Variants in CTDSPL2 observed in about 807,000 individuals in gnomAD.
CTDSPL2 encodes CTD small phosphatase-like protein 2.
CTDSPL2 carries 5 observed loss-of-function variants against 60.0 expected under a neutral mutation model. The ratio of observed to expected loss-of-function variants is 0.08; its 90% CI spans 0.04 to 0.18. The LOEUF (loss-of-function observed/expected upper bound fraction) is 0.18, where lower values mean the gene tolerates loss of function less well. CTDSPL2 is among the 10% of genes least tolerant of loss of function. The pLI is 1.00. For missense variants in CTDSPL2, 370 were observed against 548.8 expected, an observed-to-expected ratio of 0.67 and a Z score of 3.26; for synonymous variants, 186 against 189.3, an observed-to-expected ratio of 0.98 and a Z score of 0.14.
chr15:44,512,933 A>G (rs978269164), intron 8 of CTDSPL2, among the ~76,000 whole-genome samples: 4 of 151,990 alleles, frequency 2.6e-5, no homozygotes, highest in Admixed American at 2.6e-4. Flanking sequence ...TTAGCCAGCC[A>G]TGGTGGCCCA....
At position 44,524,273 on chromosome 15, in the gene CTDSPL2, G is replaced by A. The variant is rs957036935; in HGVS notation, c.*99G>A. On this transcript the variant is annotated 3_prime_UTR_variant, in exon 13 of 13. Coordinates refer to ENST00000260327, the MANE Select transcript of CTDSPL2 (RefSeq NM_016396.3). ...ATTACTGTTGAAATTTTGCATTTTT[G>A]TACCCCGTCTTGCTTTTCTTATCTT... 1.1e-6 allele frequency: 1 copy of A among 901,286 alleles called. No homozygotes were observed. Among genetic ancestry groups the A allele is most frequent in the Admixed American group, 1.9e-5 (1 of 53,770 alleles). The allele number at this position is 901,286 out of a possible 1,614,324, so 55.8% of individuals were successfully genotyped here.
chr15:44,484,933 A>G (rs1465548108), intron 3 of CTDSPL2, among the ~76,000 whole-genome samples: 2 of 152,222 alleles, frequency 1.3e-5, no homozygotes, highest in African/African-American at 4.8e-5. Context: ...ACATCTAAAT[A>G]AACTCATTTC....
At position 44,490,924 on chromosome 15, in the gene CTDSPL2, C is replaced by G. The variant is rs748643122; in HGVS notation, c.616C>G (p.Gln206Glu). 1.6e-5 allele frequency: 26 copies of G among 1,613,964 alleles called. No individual in the cohort carries two copies. The highest frequency in any genetic ancestry group is 2.1e-5 in the Non-Finnish European group (25 of 1,180,004). ...NGAAYSNQAVQVRPSLNNGLE... is the reference protein window; with the variant it reads ...NGAAYSNQAVEVRPSLNNGLE... ...AGCAGCTTACTCAAATCAAGCAGTTCAAGTGAGACCATCACTAAACAATGG... is the reference window on the plus strand; with the variant it reads ...AGCAGCTTACTCAAATCAAGCAGTTGAAGTGAGACCATCACTAAACAATGG... The change falls in exon 5 of 13, where the codon CAA becomes GAA. Residue 206 changes from glutamine to glutamate, a missense_variant. Coordinates refer to ENST00000260327, the MANE Select transcript of CTDSPL2 (RefSeq NM_016396.3).
At chr15:44,444,886 T>C (rs1192349001) in intron 1 of CTDSPL2, among the ~76,000 whole-genome samples, 2 of 141,282 alleles carry the variant, frequency 1.4e-5, no homozygotes, top group Non-Finnish European at 3.1e-5. Flanking sequence ...CTCCCTCTGT[T>C]GCCCAGGCTG....
At chr15:44,477,089 C>T (rs1263321531) in intron 2 of CTDSPL2, among the ~76,000 whole-genome samples, 1 of 152,194 alleles carries the variant, frequency 6.6e-6, no homozygotes, top group Admixed American at 6.6e-5. Context: ...ATTAGTCAAG[C>T]GTGGTGCTGC....
chr15:44,454,817 T>G (rs991441905), intron 1 of CTDSPL2, among the ~76,000 whole-genome samples: 2 of 152,246 alleles, frequency 1.3e-5, no homozygotes, highest in Non-Finnish European at 2.9e-5. Context: ...CCATGCTGTT[T>G]TGGTTACTGT....
chr15:44,476,283 G>T (rs376535239), intron 2 of CTDSPL2, among the ~76,000 whole-genome samples: 3 of 152,008 alleles, frequency 2.0e-5, no homozygotes, highest in African/African-American at 7.2e-5. Flanking sequence ...AGCCAGGATG[G>T]TCTCGATCTC....
intron 8 of CTDSPL2, chr15:44,502,125 A>AT: frequency 3.9e-6 from 1 of 254,700 alleles, no homozygotes; most frequent in Non-Finnish European, 7.9e-6. Flanking sequence ...AAAGTACTGC[A>AT]TATACTCTTA....
chr15:44,484,091 A>T, intron 2 of CTDSPL2, 133 bp from the exon 3 acceptor site: 2 of 744,370 alleles, frequency 2.7e-6, no homozygotes, highest in Non-Finnish European at 4.2e-6. Flanking sequence ...TATTACCTAT[A>T]ATTGCATTTT....
chr15:44,489,423 GTGTTTGGAATTAAACA>G (rs1232309096), intron 4 of CTDSPL2, among the ~76,000 whole-genome samples: 15 of 152,202 alleles, frequency 9.9e-5, no homozygotes, highest in Non-Finnish European at 1.9e-4. Context: ...TTTGAGGGAC[GTGTTTGGAATTAAACA>G]GACTGGCCTT....
intron 2 of CTDSPL2, among the ~76,000 whole-genome samples, chr15:44,466,422 A>C (rs1490818421): frequency 1.3e-5 from 2 of 152,264 alleles, no homozygotes; most frequent in East Asian, 1.9e-4. Context: ...AGGAAACGAC[A>C]GTTTAAGATT....
chr15:44,439,144 G>GTTAT (rs2080032613), intron 1 of CTDSPL2, among the ~76,000 whole-genome samples: 1 of 138,540 alleles, frequency 7.2e-6, no homozygotes, highest in African/African-American at 2.8e-5. Flanking sequence ...TATTATTATT[G>GTTAT]TTATTTATTT....
In CTDSPL2 at chr15:44,491,009, ATTTC is replaced by A; in HGVS notation, c.691+14_691+17del. The A allele has an allele frequency of 6.2e-7, 1 of 1,603,796 alleles. No homozygotes were observed. Among genetic ancestry groups the A allele is most frequent in the Non-Finnish European group, 8.5e-7 (1 of 1,172,832 alleles). On this transcript the variant is annotated intron_variant, in intron 5 of 12. Transcript: ENST00000260327. Reference sequence around the variant, plus strand: ...ATCCCACCCCTTACAGGTGAAGAAAATTTCTTTTCTTATACATCTTCATGAGTAG... The same window carrying A: ...ATCCCACCCCTTACAGGTGAAGAAAATTTTCTTATACATCTTCATGAGTAG...
Position 44,491,019 on chromosome 15 carries a change from T to C in CTDSPL2, c.691+20T>C. On this transcript the variant is annotated intron_variant, in intron 5 of 12. Transcript: ENST00000260327. The stretch of plus-strand genomic sequence containing the variant: ...TTACAGGTGAAGAAAATTTCTTTTC[T>C]TATACATCTTCATGAGTAGTTGATA... 2 of 1,564,258 alleles carry C rather than the reference T, an allele frequency of 1.3e-6. No individual in the cohort carries two copies. The highest frequency in any genetic ancestry group is 1.8e-6 in the Non-Finnish European group (2 of 1,136,046).
chr15:44,526,468 G>A lies in CTDSPL2; in HGVS notation c.*2294G>A, dbSNP rs2081875600. On this transcript the variant is annotated 3_prime_UTR_variant, in exon 13 of 13. Transcript: ENST00000260327. ...TAAAGTTGTTTTCAGTCCCACACTAGGAGAGTTCCTTTAAGTCAGCTGATC... is the reference window on the plus strand; with the variant it reads ...TAAAGTTGTTTTCAGTCCCACACTAAGAGAGTTCCTTTAAGTCAGCTGATC... 1 of 152,084 alleles carries A rather than the reference G, an allele frequency of 6.6e-6. No individual in the cohort carries two copies. Among genetic ancestry groups the A allele is most frequent in the African/African-American group, 2.4e-5 (1 of 41,442 alleles). The allele number at this position is 152,084 out of a possible 1,614,324, so 9.4% of individuals were successfully genotyped here.
chr15:44,465,973 C>T (rs1443569758), intron 2 of CTDSPL2, among the ~76,000 whole-genome samples: 1 of 151,350 alleles, frequency 6.6e-6, no homozygotes, highest in East Asian at 1.9e-4. Context: ...GTCTCACTCT[C>T]ACCCAGGCTG....
chr15:44,511,033 C>G (rs957537494), intron 8 of CTDSPL2, among the ~76,000 whole-genome samples: 1 of 152,156 alleles, frequency 6.6e-6, no homozygotes, highest in Non-Finnish European at 1.5e-5. Flanking sequence ...TGGCACAACC[C>G]CATGTGGCCC....
intron 1 of CTDSPL2, among the ~76,000 whole-genome samples, chr15:44,450,024 A>G (rs16964013): frequency 0.14 from 21,448 of 151,682 alleles, 2,425 homozygotes; most frequent in African/African-American, 0.31. Flanking sequence ...TTACGTTTGC[A>G]TTATGAAATA....
intron 2 of CTDSPL2, among the ~76,000 whole-genome samples, chr15:44,472,962 A>G (rs1039911416): frequency 6.6e-6 from 1 of 151,722 alleles, no homozygotes; most frequent in African/African-American, 2.4e-5. Flanking sequence ...CGCCAGGCCT[A>G]ATTTTTGTAT....
Sources: allele counts gnomAD v4.1 joint callset (sites outside exome capture counted in the v4.1 genomes callset), GRCh38; gene constraint gnomAD v4.1.1; transcripts MANE v1.5; gene names NCBI Gene and HGNC (gene_info 2026-07-23, HGNC 2026-07-21).